PCBP3: variants seen among roughly 807,000 people sequenced by gnomAD.
PCBP3 encodes the protein poly(rC)-binding protein 3.
Under a neutral mutation model 52.7 loss-of-function variants are expected in PCBP3, and 25 were observed. That is an observed-to-expected ratio of 0.47 (90% confidence interval 0.35 to 0.66). The LOEUF (loss-of-function observed/expected upper bound fraction) is 0.66. Ranked by LOEUF, PCBP3 falls within the 30% of genes least tolerant of loss-of-function variation. PCBP3 has a pLI of 0.01. For missense variants in PCBP3, 391 were observed against 490.3 expected (o/e 0.80, Z 1.91); for synonymous variants, 162 against 183.0 (o/e 0.89, Z 0.93).
At chr21:45,680,249 A>G (rs772575466) in intron 2 of PCBP3, among the ~76,000 whole-genome samples, 1 of 152,228 alleles carries the variant, frequency 6.6e-6, no homozygotes, top group Non-Finnish European at 1.5e-5. Flanking sequence ...CTCTATATAT[A>G]CACACATTTT....
At chr21:45,698,065 G>A (rs2082894087) in intron 2 of PCBP3, among the ~76,000 whole-genome samples, 1 of 152,124 alleles carries the variant, frequency 6.6e-6, no homozygotes, top group African/African-American at 2.4e-5. Context: ...TTAGTCCCTG[G>A]GAGATGTGAA....
At chr21:45,913,111 G>C (rs1019808011) in intron 11 of PCBP3, among the ~76,000 whole-genome samples, 3 of 152,198 alleles carry the variant, frequency 2.0e-5, no homozygotes, top group Non-Finnish European at 4.4e-5. Flanking sequence ...CAGGACTTCT[G>C]CCTCCTTGAC....
At chr21:45,926,941 G>C (rs1476274361) in intron 13 of PCBP3, among the ~76,000 whole-genome samples, 1 of 152,140 alleles carries the variant, frequency 6.6e-6, no homozygotes, top group Non-Finnish European at 1.5e-5. Flanking sequence ...CAGCAGGAGT[G>C]ACAGACAGGA....
At position 45,691,725 on chromosome 21, in the gene PCBP3, A is replaced by G. The variant is rs189941651; in HGVS notation, c.-200+22773A>G. On this transcript the variant is annotated intron_variant, in intron 2 of 17. Transcript: ENST00000681687. ...CTTCTAGATAAGCTAAAAATAAGCCAGTAATTCCAAACATTGCCTAAGAAT... is the reference window on the plus strand; with the variant it reads ...CTTCTAGATAAGCTAAAAATAAGCCGGTAATTCCAAACATTGCCTAAGAAT... Among the ~76,000 whole-genome samples, 564 of 152,284 alleles carry G rather than the reference A, an allele frequency of 3.7e-3. 3 individuals carry two copies. The highest frequency in any genetic ancestry group is 6.3e-3 in the Non-Finnish European group (430 of 68,008).
intron 16 of PCBP3, among the ~76,000 whole-genome samples, chr21:45,937,315 G>A (rs942071815): frequency 1.8e-4 from 28 of 152,140 alleles, no homozygotes; most frequent in African/African-American, 5.6e-4. Context: ...CCTTTCTGAC[G>A]ATCACTGTGG....
Position 45,705,641 on chromosome 21 carries a change from G to A in PCBP3, c.-199-29751G>A, listed in dbSNP as rs62213274. 1.1e-3 allele frequency among the ~76,000 whole-genome samples: 166 copies of A among 152,326 alleles called. 1 individual carries two copies. Among genetic ancestry groups the A allele is most frequent in the Non-Finnish European group, 2.0e-3 (133 of 68,016 alleles). On this transcript the variant is annotated intron_variant, in intron 2 of 17. Coordinates refer to ENST00000681687, the MANE Select transcript of PCBP3 (RefSeq NM_001384156.1). ...AAACAGGGAACCTCTGGGCACCTGT[G>A]GTTGCCACAAATCAGGGATCCGTGG...
chr21:45,938,288 G>A (rs1736421), intron 16 of PCBP3, among the ~76,000 whole-genome samples: 53,760 of 152,196 alleles, frequency 0.35, 10,170 homozygotes, highest in African/African-American at 0.43. Context: ...GGAGGAAAGC[G>A]GCTGCGTGCT....
At chr21:45,918,246 G>A (rs866959171) in intron 13 of PCBP3, 8 of 155,896 alleles carry the variant, frequency 5.1e-5, no homozygotes, top group South Asian at 2.0e-4. Context: ...CTCCATGACC[G>A]GGGGCTCCGA....
intron 13 of PCBP3, among the ~76,000 whole-genome samples, chr21:45,921,645 G>A (rs890140016): frequency 4.6e-5 from 7 of 152,078 alleles, no homozygotes; most frequent in Admixed American, 3.3e-4. Flanking sequence ...GCGAGACCCC[G>A]TCTCTACCAA....
chr21:45,768,964 A>G (rs2050371610), intron 4 of PCBP3, among the ~76,000 whole-genome samples: 1 of 152,236 alleles, frequency 6.6e-6, no homozygotes, highest in Non-Finnish European at 1.5e-5. Context: ...GCAGGAGGTG[A>G]GCACGTGTCA....
chr21:45,780,235 G>A (rs947899575), intron 4 of PCBP3, among the ~76,000 whole-genome samples: 2 of 152,212 alleles, frequency 1.3e-5, no homozygotes, highest in African/African-American at 2.4e-5. Context: ...GACTTTCAAA[G>A]CATTCGTCTC....
rs190712723 is a variant in PCBP3 at position 45,657,630 on chromosome 21, C to T, written c.-278-11244C>T. On this transcript the variant is annotated intron_variant, in intron 1 of 17. Coordinates refer to ENST00000681687, the MANE Select transcript of PCBP3 (RefSeq NM_001384156.1). ...TATTTATTTTGGTTATTCCTGGTCC[C>T]TTGCATTTTCATATGATTTTTAGGT... Among the ~76,000 whole-genome samples the T allele has an allele frequency of 2.4e-3, 369 of 151,370 alleles. 2 individuals carry two copies. The highest frequency in any genetic ancestry group is 8.4e-3 in the African/African-American group (346 of 41,258).
chr21:45,941,640 C>G, intron 17 of PCBP3, 30 bp from the exon 18 acceptor site: 1 of 1,598,740 alleles, frequency 6.3e-7, no homozygotes, highest in East Asian at 2.3e-5. Context: ...TTGTGACCGT[C>G]TCTCCCTCTC....
intron 4 of PCBP3, among the ~76,000 whole-genome samples, chr21:45,816,375 G>A (rs1172059654): frequency 1.3e-5 from 2 of 149,774 alleles, no homozygotes; most frequent in African/African-American, 4.9e-5. Context: ...ATTGTATGCA[G>A]CTACGCCAAA....
chr21:45,833,777 GCC>G (rs1427999555), intron 4 of PCBP3, among the ~76,000 whole-genome samples: 1 of 152,184 alleles, frequency 6.6e-6, no homozygotes, highest in Admixed American at 6.5e-5. Context: ...GGCTGCTGTG[GCC>G]CCATGCAGGG....
intron 4 of PCBP3, chr21:45,763,763 G>C (rs2088970702): frequency 6.6e-6 from 1 of 152,334 alleles, no homozygotes; most frequent in African/African-American, 2.4e-5. Context: ...AGTGTCGCTG[G>C]TTGCACGTGG....
intron 5 of PCBP3, among the ~76,000 whole-genome samples, chr21:45,877,119 C>T (rs919585152): frequency 9.8e-5 from 15 of 152,372 alleles, no homozygotes; most frequent in Middle Eastern, 6.8e-3. Context: ...CACTTTCAAA[C>T]GTGGGTCTCT....
intron 4 of PCBP3, among the ~76,000 whole-genome samples, chr21:45,806,360 G>A (rs1158811693): frequency 6.6e-6 from 1 of 151,226 alleles, no homozygotes; most frequent in African/African-American, 2.5e-5. Flanking sequence ...CAGGAGACGT[G>A]TTCTTCCTGG....
intron 1 of PCBP3, among the ~76,000 whole-genome samples, chr21:45,661,081 TCAA>T (rs1261630144): frequency 8.5e-5 from 13 of 152,164 alleles, no homozygotes; most frequent in Admixed American, 4.6e-4. Context: ...TCTGTTCACT[TCAA>T]CACAGATTTG....
Sources: gnomAD v4.1 joint callset for allele counts (sites outside exome capture counted in the v4.1 genomes callset) on GRCh38, gnomAD v4.1.1 for gene constraint, MANE v1.5 for transcripts, NCBI Gene and HGNC (gene_info 2026-07-23, HGNC 2026-07-21) for gene names.